AOAH: variants seen among roughly 807,000 people sequenced by gnomAD.
AOAH encodes the protein acyloxyacyl hydrolase (neutrophil).
AOAH carries 64 observed loss-of-function variants against 92.2 expected under a neutral mutation model. That is an observed-to-expected ratio of 0.69 (90% CI 0.57 to 0.86). AOAH has a LOEUF of 0.86. AOAH is among the 40% of genes least tolerant of loss of function. The probability of loss-of-function intolerance (pLI) is 0.00; values close to 1 mark genes in which losing one functional copy is unlikely to be tolerated. For synonymous variants in AOAH, 263 were observed against 254.5 expected, an observed-to-expected ratio of 1.03 and a Z score of -0.32; for missense variants, 656 against 694.6, an observed-to-expected ratio of 0.94 and a Z score of 0.62.
chr7:36,568,275 T>TA (rs1249476034), intron 13 of AOAH, among the ~76,000 whole-genome samples: 1 of 152,244 alleles, frequency 6.6e-6, no homozygotes, highest in African/African-American at 2.4e-5. Context: ...CTCTTCCTGG[T>TA]ACAGGGAGCG....
At chr7:36,656,773 C>T (rs1469784588) in intron 4 of AOAH, among the ~76,000 whole-genome samples, 1 of 147,774 alleles carries the variant, frequency 6.8e-6, no homozygotes, top group Non-Finnish European at 1.5e-5. Context: ...TTTATTGCTG[C>T]AAGGCCTGAT....
intron 2 of AOAH, among the ~76,000 whole-genome samples, chr7:36,680,247 G>A: frequency 6.6e-6 from 1 of 152,130 alleles, no homozygotes; most frequent in Non-Finnish European, 1.5e-5. Flanking sequence ...AGAGGCAAAA[G>A]CAGTGGATGA....
Position 36,602,329 on chromosome 7 carries a change from A to G in AOAH, c.847-7899T>C, listed in dbSNP as rs958179820. 4.0e-5 allele frequency among the ~76,000 whole-genome samples: 6 copies of G among 151,874 alleles called. No homozygotes were observed. The East Asian group carries it at 9.7e-4, about 25-fold the overall frequency. ...TATTTATTACTTAAGCTCTAACCCTATGATTTATTTATTCAATGAATGAGT... is the reference window on the plus strand; with the variant it reads ...TATTTATTACTTAAGCTCTAACCCTGTGATTTATTTATTCAATGAATGAGT... On this transcript the variant is annotated intron_variant, in intron 11 of 20. Transcript: ENST00000617537.
intron 19 of AOAH, among the ~76,000 whole-genome samples, chr7:36,522,330 G>A (rs563916132): frequency 1.3e-5 from 2 of 152,248 alleles, no homozygotes; most frequent in Non-Finnish European, 2.9e-5. Flanking sequence ...GGGAATACGT[G>A]AGAGCATTGG....
intron 1 of AOAH, among the ~76,000 whole-genome samples, chr7:36,716,122 A>G (rs945301403): frequency 4.6e-5 from 7 of 152,222 alleles, no homozygotes; most frequent in Non-Finnish European, 8.8e-5. Flanking sequence ...CTCAAAACAA[A>G]TTTACAAGAA....
intron 3 of AOAH, among the ~76,000 whole-genome samples, chr7:36,671,903 T>G (rs1470090891): frequency 1.3e-5 from 2 of 152,134 alleles, no homozygotes; most frequent in African/African-American, 4.8e-5. Context: ...GCCTTGTGTA[T>G]GGGGCTAGGA....
At chr7:36,607,326 C>G (rs552852887) in intron 11 of AOAH, among the ~76,000 whole-genome samples, 2 of 152,160 alleles carry the variant, frequency 1.3e-5, no homozygotes, top group Non-Finnish European at 2.9e-5. Context: ...CCAGACAATA[C>G]GATCAGGTCC....
At position 36,719,937 on chromosome 7, in the gene AOAH, AT is replaced by A. The variant is rs1362530639; in HGVS notation, c.127+4084del. Among the ~76,000 whole-genome samples the A allele has an allele frequency of 7.9e-5, 10 of 126,906 alleles. No individual in the cohort carries two copies. The South Asian group carries it at 3.1e-3, about 39-fold the overall frequency. The allele number at this position is 126,906 out of a possible 152,430, so 83.3% of individuals were successfully genotyped here. ...GGTGATAGAGTAGGACTTTGTCTTT[AT>A]TAAAAAAAAAAAAAAGATGAATCAT... is the stretch of plus-strand genomic sequence containing the variant. On this transcript the variant is annotated intron_variant, in intron 1 of 20. Coordinates refer to ENST00000617537, the MANE Select transcript of AOAH (RefSeq NM_001637.4).
chr7:36,629,566 C>T (rs537715057), intron 6 of AOAH, among the ~76,000 whole-genome samples: 21 of 152,140 alleles, frequency 1.4e-4, no homozygotes, highest in Non-Finnish European at 2.5e-4. Context: ...GATTCATCCC[C>T]AGTCATGAAA....
chr7:36,558,748 C>G (rs4397298), intron 13 of AOAH, among the ~76,000 whole-genome samples: 1 of 152,138 alleles, frequency 6.6e-6, no homozygotes, highest in Non-Finnish European at 1.5e-5. Context: ...TAGCAATCAG[C>G]GAGACTCCGT....
intron 15 of AOAH, among the ~76,000 whole-genome samples, chr7:36,543,464 T>C (rs957049216): frequency 8.5e-5 from 13 of 152,098 alleles, no homozygotes; most frequent in African/African-American, 3.1e-4. Flanking sequence ...CTTTTTTTTT[T>C]CCTGCTGATA....
chr7:36,515,489 C>T lies in AOAH; in HGVS notation c.1600-2109G>A, dbSNP rs566208768. The stretch of plus-strand genomic sequence containing the variant: ...ACACCCCTCACAACCCCACACCACA[C>T]ACATACATCACAAACACACCCCCAA... On this transcript the variant is annotated intron_variant, in intron 20 of 20. Transcript: ENST00000617537. Among the ~76,000 whole-genome samples, 6 of 84,248 alleles carry T rather than the reference C, an allele frequency of 7.1e-5. No homozygotes were observed. The East Asian group carries it at 2.6e-3, about 36-fold the overall frequency. The allele number at this position is 84,248 out of a possible 152,430, so 55.3% of individuals were successfully genotyped here.
intron 13 of AOAH, among the ~76,000 whole-genome samples, chr7:36,570,607 C>A (rs1333974029): frequency 6.6e-6 from 1 of 152,194 alleles, no homozygotes; most frequent in Non-Finnish European, 1.5e-5. Flanking sequence ...TACCACTTTG[C>A]CTTTCCACCA....
At chr7:36,584,939 T>C (rs565230830) in intron 12 of AOAH, among the ~76,000 whole-genome samples, 2 of 152,324 alleles carry the variant, frequency 1.3e-5, no homozygotes, top group African/African-American at 4.8e-5. Flanking sequence ...TGTCATGTAC[T>C]GTGCCAGGTA....
At chr7:36,667,361 T>A (rs1795609457) in intron 3 of AOAH, among the ~76,000 whole-genome samples, 2 of 152,206 alleles carry the variant, frequency 1.3e-5, no homozygotes, top group African/African-American at 2.4e-5. Context: ...CCTTCTCAGT[T>A]ACCGGATTGA....
intron 19 of AOAH, among the ~76,000 whole-genome samples, chr7:36,523,239 C>G (rs148315302): frequency 6.6e-6 from 1 of 152,338 alleles, no homozygotes; most frequent in African/African-American, 2.4e-5. Flanking sequence ...GACACAGCAT[C>G]ATATTATGCT....
chr7:36,632,136 G>GTTGT (rs1373671352), intron 5 of AOAH, 30 bp from the exon 6 acceptor site: 1 of 1,573,626 alleles, frequency 6.4e-7, no homozygotes, highest in Admixed American at 1.8e-5. Context: ...CAAAAAGAGA[G>GTTGT]TTGTTTAGTT....
intron 18 of AOAH, among the ~76,000 whole-genome samples, chr7:36,531,788 C>T (rs865907928): frequency 1.3e-5 from 2 of 152,288 alleles, no homozygotes; most frequent in East Asian, 1.9e-4. Context: ...TAGGGGCCAA[C>T]CTCAATCAGC....
chr7:36,576,541 C>T (rs1333291340), intron 13 of AOAH, 33 bp downstream of exon 13: 1 of 1,267,732 alleles, frequency 7.9e-7, no homozygotes, highest in Non-Finnish European at 1.1e-6. Context: ...ATTACAGGAA[C>T]ATTGATGAAG....
Sources: allele counts gnomAD v4.1 joint callset (sites outside exome capture counted in the v4.1 genomes callset), GRCh38; gene constraint gnomAD v4.1.1; transcripts MANE v1.5; gene names NCBI Gene and HGNC (gene_info 2026-07-23, HGNC 2026-07-21).